RBMX: variants seen among roughly 807,000 people sequenced by gnomAD.
RBMX encodes the protein RNA-binding motif protein, X chromosome.
RBMX carries 1 observed loss-of-function variant against 29.3 expected under a neutral mutation model. The ratio of observed to expected loss-of-function variants is 0.03; its 90% CI spans 0.01 to 0.16. The LOEUF (loss-of-function observed/expected upper bound fraction) is 0.16, where lower values mean the gene tolerates loss of function less well. Among genes scored for constraint, RBMX ranks in the 10% least tolerant of loss-of-function variants. The probability of loss-of-function intolerance (pLI) is 1.00; values close to 1 mark genes in which losing one functional copy is unlikely to be tolerated. For synonymous variants in RBMX, 102 were observed against 102.3 expected, an observed-to-expected ratio of 1.00 and a Z score of 0.02; for missense variants, 121 against 333.2, an observed-to-expected ratio of 0.36 and a Z score of 4.96.
chrX:136,877,472 G>A (rs1255225875), intron 4 of RBMX, among the ~76,000 whole-genome samples: 2 of 95,584 alleles, frequency 2.1e-5, no homozygotes, highest in Non-Finnish European at 4.1e-5. Flanking sequence ...TTTTTTTTGA[G>A]AGGGAGTCTC....
In RBMX at chrX:136,875,238, ACAGAAG is replaced by A; in HGVS notation, c.782+14_782+19del. On this transcript the variant is annotated intron_variant, in intron 7 of 8. Coordinates refer to ENST00000320676, the MANE Select transcript of RBMX (RefSeq NM_002139.4). Reference sequence around the variant, plus strand: ...TTGCAACTTTTCTTACATGTAAGCCACAGAAGCAAAGTCACTTACCTATATCCTCTT... The same window carrying A: ...TTGCAACTTTTCTTACATGTAAGCCACAAAGTCACTTACCTATATCCTCTT... 2.5e-6 allele frequency: 3 copies of A among 1,211,099 alleles called. No individual in the cohort carries two copies. The highest frequency in any genetic ancestry group is 3.4e-6 in the Non-Finnish European group (3 of 895,226).
At chrX:136,880,365 C>T (rs2077786292) in intron 1 of RBMX, among the ~76,000 whole-genome samples, 2 of 112,536 alleles carry the variant, frequency 1.8e-5, no homozygotes, top group Admixed American at 1.9e-4. Context: ...TACAAAGCCC[C>T]GACCTCCGCT....
chrX:136,880,004 A>G (rs2077781690), intron 1 of RBMX, among the ~76,000 whole-genome samples: 1 of 112,200 alleles, frequency 8.9e-6, no homozygotes, highest in Non-Finnish European at 1.9e-5. Context: ...CCAAAAAGAT[A>G]AAAACAAATC....
intron 8 of RBMX, 86 bp from the exon 9 acceptor site, chrX:136,874,538 A>T: frequency 9.2e-7 from 1 of 1,083,558 alleles, no homozygotes; most frequent in Middle Eastern, 2.6e-4. Flanking sequence ...GAATTCTTGT[A>T]TTAAAAGTTT....
chrX:136,870,024 T>TGAC (rs985363302), downstream of RBMX: 2 of 112,483 alleles, frequency 1.8e-5, no homozygotes, highest in Non-Finnish European at 1.9e-5. Flanking sequence ...TTTCACTTAC[T>TGAC]GACAGACACT....
chrX:136,875,420 G>C, intron 6 of RBMX, 37 bp from the exon 7 acceptor site: 1 of 1,206,578 alleles, frequency 8.3e-7, no homozygotes, highest in African/African-American at 1.7e-5. Context: ...CTTTTGATAA[G>C]CTTTCCTTCA....
intron 4 of RBMX, among the ~76,000 whole-genome samples, chrX:136,877,330 C>CCT (rs1213577043): frequency 1.7e-5 from 1 of 58,041 alleles, no homozygotes; most frequent in African/African-American, 7.6e-5. Flanking sequence ...TAAACTCTAC[C>CCT]CCCCCCCCCC....
intron 5 of RBMX, among the ~76,000 whole-genome samples, 158 bp downstream of exon 5, chrX:136,876,344 GA>G (rs1411539771): frequency 1.8e-5 from 2 of 110,006 alleles, no homozygotes; most frequent in Non-Finnish European, 3.8e-5. Context: ...GGATGGTCTT[GA>G]TCTCTTGACA....
Position 136,874,169 on chromosome X carries a change from A to G in RBMX, c.1149T>C (p.Asp383=), listed in dbSNP as rs991448589. ...AGTATCTGCTTCTGCCTCCCCCTCT[A>G]TCAGATCGGCTTCCTCCACGGCCAC... ...RGGGRGGSRS[D]RGGGRSRY Residue 383 remains aspartate, a synonymous_variant, in exon 9 of 9, where the codon GAT becomes GAC. Transcript: ENST00000320676. 3.3e-6 allele frequency: 4 copies of G among 1,210,137 alleles called. No homozygotes were observed. In the African/African-American group the frequency reaches 5.2e-5, roughly 16 times the overall value.
chrX:136,874,261 T>A lies in RBMX; in HGVS notation c.1057A>T (p.Met353Leu). 1 of 1,212,806 alleles carries A rather than the reference T, an allele frequency of 8.2e-7. No individual in the cohort carries two copies. Among genetic ancestry groups the A allele is most frequent in the Middle Eastern group, 2.3e-4 (1 of 4,350 alleles). ...CGTGGAGGAGGGTACCCCCTTTCCA[T>A]AGAAGGGGGAAGCCCTCTTTCTTGT... ...GRQERGLPPS[M>L]ERGYPPPRDS... is the part of the protein sequence containing the mutation. The change falls in exon 9 of 9, where the codon ATG (methionine) becomes TTG (leucine). Residue 353 changes from methionine to leucine, a missense_variant. By Grantham distance (15) the Met-to-Leu change is conservative. Around this residue, in one of 2 missense-constraint regions of RBMX, gnomAD observed 114 missense variants for 260.0 expected, o/e 0.44. Coordinates refer to ENST00000320676, the MANE Select transcript of RBMX (RefSeq NM_002139.4).
chrX:136,875,623 G>A, intron 5 of RBMX, 38 bp from the exon 6 acceptor site: 2 of 1,185,651 alleles, frequency 1.7e-6, no homozygotes, highest in Admixed American at 2.5e-5. Flanking sequence ...CATAGCCAGA[G>A]AAAAAAGTTA....
At chrX:136,879,582 C>T (rs1023482126) in intron 1 of RBMX, 129 bp from the exon 2 acceptor site, 4 of 569,805 alleles carry the variant, frequency 7.0e-6, no homozygotes, top group Non-Finnish European at 1.1e-5. Flanking sequence ...AAAACGATAA[C>T]GAGCTAAGCC....
At chrX:136,878,922 G>A (rs1235206724) in intron 3 of RBMX, 95 bp downstream of exon 3, 5 of 1,104,151 alleles carry the variant, frequency 4.5e-6, no homozygotes, top group African/African-American at 3.7e-5. Flanking sequence ...GAAAAACAAC[G>A]AAAACTCAAA....
intron 5 of RBMX, 96 bp downstream of exon 5, chrX:136,876,407 C>T (rs2077730033): frequency 4.1e-6 from 4 of 975,096 alleles, no homozygotes; most frequent in Non-Finnish European, 5.5e-6. Context: ...CGGGCGTGAG[C>T]CACCACGCCT....
downstream of RBMX, chrX:136,870,042 A>G (rs763300955): frequency 8.9e-6 from 1 of 112,484 alleles, no homozygotes; most frequent in Admixed American, 9.5e-5. Context: ...ACTTCACTAG[A>G]TACAGCTACC....
chrX:136,871,278 A>G (rs2077682710), downstream of RBMX, among the ~76,000 whole-genome samples: 1 of 107,243 alleles, frequency 9.3e-6, no homozygotes, highest in Non-Finnish European at 1.9e-5. Context: ...CATCTCTACT[A>G]AAAATACAAA....
At chrX:136,871,811 GTT>G (rs750533072), downstream of RBMX, among the ~76,000 whole-genome samples, 26 of 74,926 alleles carry the variant, frequency 3.5e-4, no homozygotes, top group South Asian at 3.8e-3. Flanking sequence ...CACGCCCGGT[GTT>G]TTTTTTTTTT....
At chrX:136,878,908 T>C (rs1193714982) in intron 3 of RBMX, 109 bp downstream of exon 3, 6 of 987,339 alleles carry the variant, frequency 6.1e-6, no homozygotes, top group East Asian at 6.2e-5. Flanking sequence ...GACAGGTATA[T>C]ACTGAAAAAC....
Position 136,877,335 on chromosome X carries a change from C to A in RBMX, c.388+580G>T, listed in dbSNP as rs993996198. Among the ~76,000 whole-genome samples, 3 of 83,084 alleles carry A rather than the reference C, an allele frequency of 3.6e-5. 1 individual carries two copies. The highest frequency in any genetic ancestry group is 5.0e-5 in the Non-Finnish European group (2 of 40,294). The allele number at this position is 83,084 out of a possible 115,157, so 72.1% of individuals were successfully genotyped here. A position where few individuals can be genotyped will look rare whatever the true frequency, so the allele number is the denominator to read the frequency against. On this transcript the variant is annotated intron_variant, in intron 4 of 8. Coordinates refer to ENST00000320676, the MANE Select transcript of RBMX (RefSeq NM_002139.4). ...CAACAAGTGCTAAACTCTACCCCCCCCCCCCCAAAAAAAAACCATTATTGA... is the reference window on the plus strand; with the variant it reads ...CAACAAGTGCTAAACTCTACCCCCCACCCCCCAAAAAAAAACCATTATTGA...
Sources: allele counts gnomAD v4.1 joint callset (sites outside exome capture counted in the v4.1 genomes callset), GRCh38; gene constraint gnomAD v4.1.1; regional missense constraint gnomAD v4.1.1; transcripts MANE v1.5; gene names NCBI Gene and HGNC (gene_info 2026-07-23, HGNC 2026-07-21).